Variants in DOCK10 observed in about 807,000 individuals in gnomAD.
DOCK10 encodes dedicator of cytokinesis protein 10.
A neutral mutation model predicts 280.1 loss-of-function variants in DOCK10; 145 were observed. That is an observed-to-expected ratio of 0.52 (90% CI 0.45 to 0.59). DOCK10 has a LOEUF of 0.59. DOCK10 is among the 20% of genes least tolerant of loss of function. The pLI, the probability that DOCK10 is intolerant of heterozygous loss-of-function variation, is 0.00. For missense variants in DOCK10, 2,368 were observed against 2,651.7 expected (o/e 0.89, Z 2.35); for synonymous variants, 915 against 942.2 (o/e 0.97, Z 0.53).
chr2:224,830,503 G>A (rs1695154620), intron 27 of DOCK10, 38 bp downstream of exon 27: 6 of 1,112,042 alleles, frequency 5.4e-6, no homozygotes, highest in African/African-American at 1.6e-5. Flanking sequence ...GGATAATATT[G>A]TAAAAATATT....
intron 1 of DOCK10, chr2:224,982,366 C>A: frequency 8.1e-7 from 1 of 1,231,864 alleles, no homozygotes; most frequent in Non-Finnish European, 1.0e-6. Flanking sequence ...CAGTGCAGCC[C>A]ATCGCTGCAT....
chr2:225,018,823 A>G, intron 1 of DOCK10, among the ~76,000 whole-genome samples: 1 of 147,972 alleles, frequency 6.8e-6, no homozygotes, highest in African/African-American at 2.5e-5. Flanking sequence ...ATATGCATAT[A>G]TGTATGTGTA....
At chr2:224,859,291 T>G (rs1236033213) in intron 14 of DOCK10, among the ~76,000 whole-genome samples, 1 of 152,206 alleles carries the variant, frequency 6.6e-6, no homozygotes, top group Non-Finnish European at 1.5e-5. Context: ...GCTGGTCCAC[T>G]TAGAATATCA....
rs1344526285 is a variant in DOCK10, at chr2:224,814,335, CTT to C, written c.3392_3393del (p.Gln1131ArgfsTer9). ...PDPLTPSEST[Q>X]ELHASDMPEY... ...TATCACTTACCTGATGCATGTAACTCTTGAGTCGATTCTGAAGGTGTCAAAGG... is the reference window on the plus strand; with the variant it reads ...TATCACTTACCTGATGCATGTAACTCGAGTCGATTCTGAAGGTGTCAAAGG... On this transcript the variant is annotated frameshift_variant, in exon 31 of 56. Transcript: ENST00000258390. LOFTEE classifies it high-confidence loss of function. 8 of 1,533,656 alleles carry C rather than the reference CTT, an allele frequency of 5.2e-6. No homozygotes were observed. Among genetic ancestry groups the C allele is most frequent in the Non-Finnish European group, 7.0e-6 (8 of 1,139,780 alleles).
intron 31 of DOCK10, among the ~76,000 whole-genome samples, chr2:224,811,986 T>C (rs1295399486): frequency 6.6e-6 from 1 of 152,164 alleles, no homozygotes; most frequent in Non-Finnish European, 1.5e-5. Context: ...TTTGGTTGCA[T>C]ATGAACTTTA....
Position 224,874,768 on chromosome 2 carries a change from A to G in DOCK10, c.932-17T>C, listed in dbSNP as rs1559625982. ...CCAGCGAATCTTAAAAAGATATACC[A>G]AGTCAGGTTATTAAATATTACTCAC... is the stretch of plus-strand genomic sequence containing the variant. On this transcript the variant is annotated splice_polypyrimidine_tract_variant and intron_variant, in intron 8 of 55. Transcript: ENST00000258390. 1.9e-6 allele frequency: 3 copies of G among 1,605,136 alleles called. No individual in the cohort carries two copies. The highest frequency in any genetic ancestry group is 1.7e-6 in the Non-Finnish European group (2 of 1,171,962).
At chr2:224,951,623 C>A (rs1422899507) in intron 1 of DOCK10, among the ~76,000 whole-genome samples, 1 of 152,224 alleles carries the variant, frequency 6.6e-6, no homozygotes, top group Non-Finnish European at 1.5e-5. Flanking sequence ...CTGTAACAAA[C>A]TGCCACACAT....
chr2:224,933,782 G>A (rs1702532405), intron 1 of DOCK10, among the ~76,000 whole-genome samples: 1 of 152,136 alleles, frequency 6.6e-6, no homozygotes, highest in Non-Finnish European at 1.5e-5. Flanking sequence ...TGAGAGTGTG[G>A]TTTTAGTGTA....
chr2:224,789,661 G>A (rs758867117), intron 47 of DOCK10, among the ~76,000 whole-genome samples: 3 of 152,098 alleles, frequency 2.0e-5, no homozygotes, highest in Non-Finnish European at 4.4e-5. Context: ...GATTGCTTGA[G>A]CCTAGGAGTT....
At chr2:224,918,265 T>C (rs934966808) in intron 2 of DOCK10, among the ~76,000 whole-genome samples, 2 of 152,212 alleles carry the variant, frequency 1.3e-5, no homozygotes, top group East Asian at 1.9e-4. Context: ...GTTGAATTTA[T>C]TGACTGTGTG....
At chr2:224,798,260 A>T (rs1692725687) in intron 41 of DOCK10, among the ~76,000 whole-genome samples, 1 of 152,164 alleles carries the variant, frequency 6.6e-6, no homozygotes, top group South Asian at 2.1e-4. Flanking sequence ...GAAAATTGGC[A>T]TGTGAGCTCA....
chr2:225,032,928 G>A (rs1032086510), intron 1 of DOCK10, among the ~76,000 whole-genome samples: 4 of 152,128 alleles, frequency 2.6e-5, no homozygotes, highest in Non-Finnish European at 5.9e-5. Context: ...ATTTAAATTG[G>A]TAATTACTAA....
chr2:224,849,543 A>G lies in DOCK10; in HGVS notation c.2199T>C (p.Val733=). The G allele has an allele frequency of 6.2e-7, 1 of 1,612,492 alleles. No homozygotes were observed. The highest frequency in any genetic ancestry group is 8.5e-7 in the Non-Finnish European group (1 of 1,179,378). ...PLFTSAAYTA[V]LHHSQNPDFS... The stretch of plus-strand genomic sequence containing the variant: ...AATCCGGATTCTGAGAGTGGTGCAG[A>G]ACTGCTGTGTAGGCGGCTGAGGTGA... The change falls in exon 19 of 56, where the codon GTT becomes GTC. Residue 733 remains valine, a synonymous_variant. Coordinates refer to ENST00000258390, the MANE Select transcript of DOCK10 (RefSeq NM_014689.3).
chr2:224,829,839 G>A (rs1695104095), intron 27 of DOCK10, among the ~76,000 whole-genome samples: 1 of 152,092 alleles, frequency 6.6e-6, no homozygotes, highest in Non-Finnish European at 1.5e-5. Context: ...GCCATGGAAG[G>A]GGCTGTAATT....
In DOCK10 at chr2:224,855,069, A is replaced by ACACACG. The variant is rs745400180; in HGVS notation, c.1809-28_1809-27insCGTGTG. The ACACACG allele has an allele frequency of 7.7e-5, 73 of 950,240 alleles. No homozygotes were observed. In the Middle Eastern group the frequency reaches 1.1e-3, roughly 14 times the overall value. 58.9% of individuals were successfully genotyped at this position (950,240 alleles called of 1,614,324 possible). ...TGTAAGAGTGCATGAGCAAGGACACACACACACACACACACACACACACAC... is the reference window on the plus strand; with the variant it reads ...TGTAAGAGTGCATGAGCAAGGACACACACACGCACACACACACACACACACACACAC... On this transcript the variant is annotated intron_variant, in intron 15 of 55. Coordinates refer to ENST00000258390, the MANE Select transcript of DOCK10 (RefSeq NM_014689.3).
intron 21 of DOCK10, 126 bp downstream of exon 21, chr2:224,845,077 G>T (rs1696244656): frequency 1.9e-6 from 2 of 1,039,102 alleles, no homozygotes; most frequent in Non-Finnish European, 2.8e-6. Flanking sequence ...TGTGGCATAG[G>T]TACACTTGAT....
At chr2:224,833,347 AGCCACAGTGTCCTCCCTGTCTCCT>A (rs1226308706) in intron 26 of DOCK10, among the ~76,000 whole-genome samples, 15 of 151,598 alleles carry the variant, frequency 9.9e-5, no homozygotes, top group African/African-American at 2.7e-4. Context: ...ACTTGGCTCC[AGCCACAGTGTCCTCCCTGTCTCCT>A]GCCACAGTGT....
intron 50 of DOCK10, among the ~76,000 whole-genome samples, chr2:224,778,774 T>G (rs1274311366): frequency 2.0e-5 from 3 of 152,140 alleles, no homozygotes; most frequent in African/African-American, 7.2e-5. Context: ...CCACATAATC[T>G]TAGATGAAAA....
intron 7 of DOCK10, among the ~76,000 whole-genome samples, chr2:224,877,102 C>T (rs968612741): frequency 6.6e-5 from 10 of 152,320 alleles, no homozygotes; most frequent in East Asian, 5.8e-4. Context: ...ACCACACATG[C>T]GCTCAAAAGC....
Sources: allele counts gnomAD v4.1 joint callset (sites outside exome capture counted in the v4.1 genomes callset), GRCh38; gene constraint gnomAD v4.1.1; transcripts MANE v1.5; gene names NCBI Gene and HGNC (gene_info 2026-07-23, HGNC 2026-07-21).